Variants in EEPD1 observed in about 807,000 individuals in gnomAD.
EEPD1 encodes endonuclease/exonuclease/phosphatase family domain containing 1, also known as endonuclease/exonuclease/phosphatase family domain-containing protein 1.
A neutral mutation model predicts 46.3 loss-of-function variants in EEPD1; 17 were observed. That is an observed-to-expected ratio of 0.37 (90% CI 0.25 to 0.55). The LOEUF (loss-of-function observed/expected upper bound fraction) is 0.55. Ranked by LOEUF, EEPD1 falls within the 20% of genes least tolerant of loss-of-function variation. EEPD1 has a pLI of 0.83. For synonymous variants in EEPD1, 313 were observed against 315.6 expected (o/e 0.99, Z 0.09); for missense variants, 673 against 745.6 (o/e 0.90, Z 1.13).
chr7:36,244,822 G>T (rs1188939982), intron 3 of EEPD1, among the ~76,000 whole-genome samples: 3 of 147,568 alleles, frequency 2.0e-5, no homozygotes, highest in Non-Finnish European at 4.5e-5. Context: ...GCCCAGGCTG[G>T]AGTGCAATGG....
chr7:36,293,267 T>C (rs909465920), intron 6 of EEPD1, among the ~76,000 whole-genome samples: 1 of 152,156 alleles, frequency 6.6e-6, no homozygotes, highest in Non-Finnish European at 1.5e-5. Context: ...TGGAGAAACA[T>C]GGCAAAGTGT....
intron 3 of EEPD1, among the ~76,000 whole-genome samples, chr7:36,266,187 A>G (rs888420108): frequency 6.6e-6 from 1 of 152,200 alleles, no homozygotes; most frequent in Non-Finnish European, 1.5e-5. Flanking sequence ...AACTGCTTCT[A>G]CTTAGAATAA....
At chr7:36,211,566 A>C (rs947892545) in intron 2 of EEPD1, among the ~76,000 whole-genome samples, 2 of 152,324 alleles carry the variant, frequency 1.3e-5, no homozygotes, top group East Asian at 3.9e-4. Context: ...TTGTCTTTTT[A>C]AGCACAAAAC....
intron 2 of EEPD1, 150 bp downstream of exon 2, chr7:36,155,352 C>A: frequency 2.1e-6 from 2 of 972,830 alleles, no homozygotes; most frequent in African/African-American, 1.7e-5. Context: ...ATACCGTCAC[C>A]TGAGAATGGG....
At chr7:36,294,979 A>C (rs1340882571) in intron 6 of EEPD1, among the ~76,000 whole-genome samples, 1 of 152,074 alleles carries the variant, frequency 6.6e-6, no homozygotes, top group Non-Finnish European at 1.5e-5. Flanking sequence ...GGAGTTCAAG[A>C]CCAGCCTGGC....
At chr7:36,277,366 A>T (rs1331710471) in intron 3 of EEPD1, among the ~76,000 whole-genome samples, 4 of 152,230 alleles carry the variant, frequency 2.6e-5, no homozygotes, top group African/African-American at 7.2e-5. Context: ...GCCAGGAATA[A>T]TAAAGACGGT....
At chr7:36,295,170 C>CT (rs1214109004) in intron 6 of EEPD1, among the ~76,000 whole-genome samples, 2 of 142,406 alleles carry the variant, frequency 1.4e-5, no homozygotes, top group African/African-American at 2.5e-5. Context: ...CAGCAAGACT[C>CT]TGTCTCAAAA....
chr7:36,297,705 G>A (rs952698070), intron 7 of EEPD1, among the ~76,000 whole-genome samples: 3 of 152,184 alleles, frequency 2.0e-5, no homozygotes, highest in African/African-American at 7.2e-5. Flanking sequence ...CATGCTGTGA[G>A]GTGAACAGGT....
chr7:36,243,603 A>G (rs1047768278), intron 3 of EEPD1, among the ~76,000 whole-genome samples: 2 of 152,160 alleles, frequency 1.3e-5, no homozygotes, highest in Admixed American at 1.3e-4. Flanking sequence ...GACAGTCCCA[A>G]CAGTGGGGAC....
At chr7:36,158,468 A>G (rs1292624277) in intron 2 of EEPD1, among the ~76,000 whole-genome samples, 1 of 152,172 alleles carries the variant, frequency 6.6e-6, no homozygotes, top group African/African-American at 2.4e-5. Context: ...TCTTAGGCTG[A>G]AGGGTAGCTG....
chr7:36,180,395 A>T (rs1785253342), intron 2 of EEPD1, among the ~76,000 whole-genome samples: 1 of 152,022 alleles, frequency 6.6e-6, no homozygotes, highest in Admixed American at 6.6e-5. Flanking sequence ...CCACACTTTC[A>T]TTCTCCATTC....
chr7:36,179,920 G>A (rs559341949), intron 2 of EEPD1, among the ~76,000 whole-genome samples: 3 of 152,134 alleles, frequency 2.0e-5, no homozygotes, highest in South Asian at 2.1e-4. Context: ...GGAGCCTTAA[G>A]TGTGTCCCCC....
chr7:36,234,271 C>G (rs991071432), intron 2 of EEPD1, among the ~76,000 whole-genome samples: 3 of 152,156 alleles, frequency 2.0e-5, no homozygotes, highest in African/African-American at 4.8e-5. Context: ...ACTTTCATTG[C>G]ACTTCTTGAA....
intron 2 of EEPD1, among the ~76,000 whole-genome samples, chr7:36,237,663 C>G (rs1354319607): frequency 6.6e-6 from 1 of 152,088 alleles, no homozygotes; most frequent in Non-Finnish European, 1.5e-5. Context: ...AGAATGGCTG[C>G]CTGAGGTCAA....
chr7:36,273,804 G>A (rs1787146783), intron 3 of EEPD1, among the ~76,000 whole-genome samples: 2 of 152,178 alleles, frequency 1.3e-5, no homozygotes, highest in African/African-American at 4.8e-5. Flanking sequence ...GAGCTCCTCT[G>A]TGCTCCTCTC....
At chr7:36,211,135 GAAGC>G (rs1785923275) in intron 2 of EEPD1, among the ~76,000 whole-genome samples, 1 of 152,230 alleles carries the variant, frequency 6.6e-6, no homozygotes, top group African/African-American at 2.4e-5. Context: ...ACCAGAAAGG[GAAGC>G]AAGACAGAAG....
chr7:36,220,248 T>A (rs1406218916), intron 2 of EEPD1, among the ~76,000 whole-genome samples: 2 of 152,214 alleles, frequency 1.3e-5, no homozygotes, highest in Non-Finnish European at 2.9e-5. Context: ...CTTCAGATGA[T>A]GTTTGCAGCA....
At chr7:36,284,648 G>A (rs774601220) in intron 4 of EEPD1, 38 bp from the exon 5 acceptor site, 3 of 1,597,504 alleles carry the variant, frequency 1.9e-6, no homozygotes, top group Non-Finnish European at 2.6e-6. Context: ...TGGCGCTAGG[G>A]CTCTGGCACC....
At chr7:36,246,004 A>G (rs958135500) in intron 3 of EEPD1, among the ~76,000 whole-genome samples, 6 of 152,240 alleles carry the variant, frequency 3.9e-5, no homozygotes, top group Non-Finnish European at 5.9e-5. Context: ...AAATATTGGT[A>G]CAGCTTGATT....
Sources: allele counts gnomAD v4.1 joint callset (sites outside exome capture counted in the v4.1 genomes callset), GRCh38; gene constraint gnomAD v4.1.1; transcripts MANE v1.5; gene names NCBI Gene and HGNC (gene_info 2026-07-23, HGNC 2026-07-21).